Variants in PPFIA2 observed in about 807,000 individuals in gnomAD.
PPFIA2 encodes liprin-alpha-2.
A neutral mutation model predicts 175.5 loss-of-function variants in PPFIA2; 46 were observed. That is an observed-to-expected ratio of 0.26 (90% CI 0.21 to 0.34). The LOEUF is 0.34. Among genes scored for constraint, PPFIA2 ranks in the 10% least tolerant of loss-of-function variants. PPFIA2 has a pLI of 1.00. For missense variants in PPFIA2, 1,179 were observed against 1,506.1 expected (o/e 0.78, Z 3.60); for synonymous variants, 568 against 511.4 (o/e 1.11, Z -1.49).
At chr12:81,548,664 T>C (rs1053728387) in intron 4 of PPFIA2, among the ~76,000 whole-genome samples, 1 of 152,014 alleles carries the variant, frequency 6.6e-6, no homozygotes. Flanking sequence ...TAGTCAATGG[T>C]TCATCCATAA....
chr12:81,750,892 T>C (rs1853621725), intron 3 of PPFIA2, among the ~76,000 whole-genome samples: 1 of 152,160 alleles, frequency 6.6e-6, no homozygotes, highest in Non-Finnish European at 1.5e-5. Context: ...ATAATTTTCA[T>C]TTTTCTGTTA....
chr12:81,487,778 A>C (rs756260620), intron 4 of PPFIA2, among the ~76,000 whole-genome samples: 13 of 151,824 alleles, frequency 8.6e-5, no homozygotes, highest in Admixed American at 2.6e-4. Context: ...AAAATGACAG[A>C]TGTTTAATGG....
chr12:81,306,442 T>C (rs948190361), intron 22 of PPFIA2, among the ~76,000 whole-genome samples: 4 of 152,096 alleles, frequency 2.6e-5, no homozygotes, highest in Non-Finnish European at 5.9e-5. Flanking sequence ...AGAAAATATG[T>C]GTAATATGAT....
chr12:81,362,195 T>A (rs1206136194), intron 15 of PPFIA2, among the ~76,000 whole-genome samples: 1 of 151,302 alleles, frequency 6.6e-6, no homozygotes, highest in Non-Finnish European at 1.5e-5. Context: ...CTCTTTTTTT[T>A]TTTTGCAATT....
intron 5 of PPFIA2, among the ~76,000 whole-genome samples, chr12:81,451,112 G>A (rs74104282): frequency 0.066 from 9,970 of 151,870 alleles, 435 homozygotes; most frequent in African/African-American, 0.13. Flanking sequence ...ACATACACAC[G>A]CTCACATACA....
intron 17 of PPFIA2, among the ~76,000 whole-genome samples, 179 bp from the exon 18 acceptor site, chr12:81,347,949 T>G (rs2059352104): frequency 6.6e-6 from 1 of 152,134 alleles, no homozygotes; most frequent in Admixed American, 6.6e-5. Flanking sequence ...TGCAGTAAAT[T>G]CCAGGGACTT....
chr12:81,744,571 TGCTACTATGCCCC>T (rs1451614501), intron 3 of PPFIA2, among the ~76,000 whole-genome samples: 1 of 152,090 alleles, frequency 6.6e-6, no homozygotes, highest in African/African-American at 2.4e-5. Context: ...TACAGGTGCC[TGCTACTATGCCCC>T]GCTAATTTTT....
At chr12:81,718,816 G>A (rs1466854481) in intron 3 of PPFIA2, among the ~76,000 whole-genome samples, 1 of 151,614 alleles carries the variant, frequency 6.6e-6, no homozygotes. Context: ...GAGACAGCTG[G>A]CTGATGCACA....
At chr12:81,444,853 G>T (rs1240235237) in intron 6 of PPFIA2, among the ~76,000 whole-genome samples, 1 of 152,042 alleles carries the variant, frequency 6.6e-6, no homozygotes, top group Non-Finnish European at 1.5e-5. Flanking sequence ...TAAAAGTTCA[G>T]TCTTTGAAAT....
chr12:81,748,488 G>T (rs1265266694), intron 3 of PPFIA2, among the ~76,000 whole-genome samples: 1 of 144,576 alleles, frequency 6.9e-6, no homozygotes, highest in African/African-American at 2.4e-5. Context: ...CCTCTTCCAT[G>T]ATCATGAGAA....
At chr12:81,446,119 G>A (rs1441656351) in intron 5 of PPFIA2, among the ~76,000 whole-genome samples, 1 of 152,036 alleles carries the variant, frequency 6.6e-6, no homozygotes, top group Non-Finnish European at 1.5e-5. Context: ...ATTTACATAT[G>A]GCCATTAAAA....
intron 3 of PPFIA2, among the ~76,000 whole-genome samples, chr12:81,688,001 T>C (rs1287941223): frequency 1.3e-5 from 2 of 151,984 alleles, no homozygotes; most frequent in Non-Finnish European, 2.9e-5. Flanking sequence ...TAAATCTCCA[T>C]TAGATTTCTA....
chr12:81,543,574 C>T (rs1333856654), intron 4 of PPFIA2, among the ~76,000 whole-genome samples: 1 of 152,090 alleles, frequency 6.6e-6, no homozygotes, highest in African/African-American at 2.4e-5. Context: ...TATGGATACT[C>T]TTCCTTAAGT....
chr12:81,606,871 C>CA lies in PPFIA2; in HGVS notation c.303+69919dup, dbSNP rs200146719. Among the ~76,000 whole-genome samples, 131 of 151,888 alleles carry CA rather than the reference C, an allele frequency of 8.6e-4. 1 individual carries two copies. The East Asian group carries it at 0.02, about 24-fold the overall frequency. On this transcript the variant is annotated intron_variant, in intron 4 of 32. Coordinates refer to ENST00000549396, the MANE Select transcript of PPFIA2 (RefSeq NM_003625.5). ...GTTGTAGTTGCTTTTGGGGACTTGGCAAAAAAATATTTGCCAATGCCGATG... is the reference window on the plus strand; with the variant it reads ...GTTGTAGTTGCTTTTGGGGACTTGGCAAAAAAAATATTTGCCAATGCCGATG...
intron 4 of PPFIA2, among the ~76,000 whole-genome samples, chr12:81,567,841 T>C (rs1595053760): frequency 6.6e-6 from 1 of 152,350 alleles, no homozygotes; most frequent in Non-Finnish European, 1.5e-5. Flanking sequence ...TGAGTTGTTC[T>C]AGTGAATTAT....
chr12:81,273,588 G>A (rs566941375), intron 28 of PPFIA2, among the ~76,000 whole-genome samples: 140 of 152,248 alleles, frequency 9.2e-4, no homozygotes, highest in Non-Finnish European at 1.8e-3. Flanking sequence ...ATTAGTTGGT[G>A]TCCTTTCTGT....
At chr12:81,562,257 AGTTAT>A (rs1331333701) in intron 4 of PPFIA2, among the ~76,000 whole-genome samples, 1 of 152,212 alleles carries the variant, frequency 6.6e-6, no homozygotes, top group Non-Finnish European at 1.5e-5. Flanking sequence ...AAAAGTAGTA[AGTTAT>A]AAGAAGAATA....
At chr12:81,731,525 T>C (rs1490429546) in intron 3 of PPFIA2, among the ~76,000 whole-genome samples, 2 of 151,706 alleles carry the variant, frequency 1.3e-5, no homozygotes, top group Non-Finnish European at 3.0e-5. Flanking sequence ...AAAAGAGCCT[T>C]ACTGTGCTTA....
At chr12:81,369,309 T>TA (rs2034453302) in intron 11 of PPFIA2, 115 bp from the exon 12 acceptor site, 1 of 1,523,480 alleles carries the variant, frequency 6.6e-7, no homozygotes, top group Non-Finnish European at 8.8e-7. Context: ...ACATAGTTTT[T>TA]AAAAAATAAA....
Sources: allele counts gnomAD v4.1 joint callset (sites outside exome capture counted in the v4.1 genomes callset), GRCh38; gene constraint gnomAD v4.1.1; transcripts MANE v1.5; gene names NCBI Gene and HGNC (gene_info 2026-07-23, HGNC 2026-07-21).